HTR1E: variants seen among roughly 807,000 people sequenced by gnomAD.
The protein encoded by HTR1E is 5-HT-1E.
Under a neutral mutation model 3.4 loss-of-function variants are expected in HTR1E, and 3 were observed. The observed-to-expected ratio is 0.89, with a 90% CI of 0.41 to 2.31. The LOEUF (loss-of-function observed/expected upper bound fraction) is 2.31. Among genes scored for constraint, HTR1E ranks in the 30% most tolerant of loss-of-function variants. The pLI, the probability that HTR1E is intolerant of heterozygous loss-of-function variation, is 0.05. For missense variants in HTR1E, 392 were observed against 467.0 expected, an observed-to-expected ratio of 0.84 and a Z score of 1.48; for synonymous variants, 170 against 182.8, an observed-to-expected ratio of 0.93 and a Z score of 0.56.
chr6:86,967,579 ATG>A (rs1009129999), intron 1 of HTR1E, among the ~76,000 whole-genome samples: 13 of 152,170 alleles, frequency 8.5e-5, no homozygotes, highest in African/African-American at 2.4e-4. Flanking sequence ...CTTTGGGAGG[ATG>A]TGTTTCTTAC....
At chr6:86,979,050 C>A (rs764871594) in intron 1 of HTR1E, among the ~76,000 whole-genome samples, 1 of 152,182 alleles carries the variant, frequency 6.6e-6, no homozygotes, top group Non-Finnish European at 1.5e-5. Flanking sequence ...ATAAAAATGT[C>A]AAAATCAATT....
chr6:86,976,648 G>A (rs2127824363), intron 1 of HTR1E, among the ~76,000 whole-genome samples: 1 of 152,300 alleles, frequency 6.6e-6, no homozygotes, highest in East Asian at 1.9e-4. Context: ...TGGAACGCCT[G>A]CACTATTAGC....
At chr6:86,986,022 T>C (rs369419453) in intron 1 of HTR1E, among the ~76,000 whole-genome samples, 33 of 152,342 alleles carry the variant, frequency 2.2e-4, no homozygotes, top group African/African-American at 7.0e-4. Context: ...TTTCTCCTTC[T>C]GTCATCCCCT....
At chr6:86,942,240 C>A (rs541308686) in intron 1 of HTR1E, among the ~76,000 whole-genome samples, 1 of 152,274 alleles carries the variant, frequency 6.6e-6, no homozygotes, top group East Asian at 1.9e-4. Context: ...CCAAACTCAT[C>A]CCTCTGAATT....
intron 1 of HTR1E, among the ~76,000 whole-genome samples, chr6:86,969,923 G>C (rs1391970698): frequency 3.3e-5 from 5 of 152,160 alleles, no homozygotes; most frequent in Admixed American, 2.0e-4. Flanking sequence ...ACAACAACGG[G>C]GGTCTACAGA....
chr6:86,952,897 A>G (rs1301880823), intron 1 of HTR1E, among the ~76,000 whole-genome samples: 1 of 152,238 alleles, frequency 6.6e-6, no homozygotes, highest in African/African-American at 2.4e-5. Flanking sequence ...CAGACCAGAG[A>G]ATATATTGCA....
intron 1 of HTR1E, chr6:87,000,156 G>C (rs1767998739): frequency 6.4e-6 from 1 of 156,168 alleles, no homozygotes; most frequent in Non-Finnish European, 1.5e-5. Flanking sequence ...CTCTGTCATG[G>C]GACCAACACC....
intron 1 of HTR1E, among the ~76,000 whole-genome samples, chr6:86,995,437 G>T (rs1259964613): frequency 4.0e-5 from 6 of 151,550 alleles, no homozygotes; most frequent in African/African-American, 1.5e-4. Flanking sequence ...AGGTCGAGGT[G>T]GGCGGATCAC....
At position 86,998,210 on chromosome 6, in the gene HTR1E, A is replaced by G. The variant is rs950931362; in HGVS notation, c.-185-16940A>G. On this transcript the variant is annotated intron_variant, in intron 1 of 1. Coordinates refer to ENST00000305344, the MANE Select transcript of HTR1E (RefSeq NM_000865.3). ...GCTGACAAAACACTGATAGATGTAT[A>G]TAAGATTTGAACAAAACTATCAAGC... is the stretch of plus-strand genomic sequence containing the variant. Among the ~76,000 whole-genome samples the G allele has an allele frequency of 1.5e-4, 23 of 152,074 alleles. 1 individual carries two copies. Among genetic ancestry groups the G allele is most frequent in the Non-Finnish European group, 7.4e-5 (5 of 67,912 alleles).
chr6:86,985,235 T>A (rs959064503), intron 1 of HTR1E, among the ~76,000 whole-genome samples: 3 of 152,082 alleles, frequency 2.0e-5, no homozygotes, highest in African/African-American at 7.2e-5. Flanking sequence ...ATCAAGTATA[T>A]TTTTAGGATT....
At chr6:86,991,259 G>A (rs569453257) in intron 1 of HTR1E, among the ~76,000 whole-genome samples, 1 of 152,236 alleles carries the variant, frequency 6.6e-6, no homozygotes, top group South Asian at 2.1e-4. Context: ...AATTGGAACA[G>A]AAAGAAGACA....
intron 1 of HTR1E, among the ~76,000 whole-genome samples, chr6:86,951,183 G>A (rs58003882): frequency 0.026 from 4,002 of 152,192 alleles, 120 homozygotes; most frequent in East Asian, 0.14. Flanking sequence ...GAATTAATTT[G>A]GTTAATGAGG....
chr6:86,954,516 A>G (rs1476416060), intron 1 of HTR1E, among the ~76,000 whole-genome samples: 1 of 152,168 alleles, frequency 6.6e-6, no homozygotes, highest in Non-Finnish European at 1.5e-5. Flanking sequence ...ATTCATCCCA[A>G]TTCATCCACT....
intron 1 of HTR1E, among the ~76,000 whole-genome samples, chr6:86,943,486 G>A (rs183751928): frequency 2.8e-4 from 43 of 152,300 alleles, no homozygotes; most frequent in Admixed American, 1.2e-3. Flanking sequence ...GTCTGTCATC[G>A]TTACAATGGG....
At chr6:86,988,073 A>C (rs1767816525) in intron 1 of HTR1E, among the ~76,000 whole-genome samples, 1 of 152,210 alleles carries the variant, frequency 6.6e-6, no homozygotes, top group African/African-American at 2.4e-5. Flanking sequence ...ATCTCCATTA[A>C]AAAGAGAAGG....
chr6:86,984,966 C>A (rs1254361552), intron 1 of HTR1E, among the ~76,000 whole-genome samples: 2 of 152,170 alleles, frequency 1.3e-5, no homozygotes, highest in African/African-American at 4.8e-5. Context: ...TGGTCTACAA[C>A]TATTCATCAC....
intron 1 of HTR1E, among the ~76,000 whole-genome samples, chr6:86,974,151 A>G (rs1258783303): frequency 6.6e-6 from 1 of 152,136 alleles, no homozygotes; most frequent in East Asian, 1.9e-4. Context: ...TTTTGAAACA[A>G]TCAAAATTGC....
In HTR1E at chr6:87,015,808, G is replaced by A. The variant is rs201514493; in HGVS notation, c.474G>A (p.Leu158=). 10 of 1,613,254 alleles carry A rather than the reference G, an allele frequency of 6.2e-6. No individual in the cohort carries two copies. The Admixed American group carries it at 1.5e-4, about 24-fold the overall frequency. ...TISIFISMPP[L]FWRSHRRLSP... ...CCATTTTCATCTCCATGCCCCCTCT[G>A]TTCTGGAGAAGCCACCGCCGCCTAA... Residue 158 remains leucine, a synonymous_variant, in exon 2 of 2, where the codon CTG becomes CTA. Transcript: ENST00000305344.
intron 1 of HTR1E, among the ~76,000 whole-genome samples, chr6:86,941,707 G>A (rs1465243864): frequency 6.6e-6 from 1 of 152,152 alleles, no homozygotes; most frequent in Admixed American, 6.5e-5. Context: ...ATGAAATCTG[G>A]TATGAGAAGG....
Sources: gnomAD v4.1 joint callset for allele counts (sites outside exome capture counted in the v4.1 genomes callset) on GRCh38, gnomAD v4.1.1 for gene constraint, MANE v1.5 for transcripts, NCBI Gene and HGNC (gene_info 2026-07-23, HGNC 2026-07-21) for gene names.